FCHSD2: variants seen among roughly 807,000 people sequenced by gnomAD.
FCHSD2 encodes the protein FCH and double SH3 domains 2.
Under a neutral mutation model 108.1 loss-of-function variants are expected in FCHSD2, and 38 were observed. The observed-to-expected ratio is 0.35, with a 90% CI of 0.27 to 0.46. The LOEUF (loss-of-function observed/expected upper bound fraction) is 0.46, where lower values mean the gene tolerates loss of function less well. Among genes scored for constraint, FCHSD2 ranks in the 20% least tolerant of loss-of-function variants. The probability of loss-of-function intolerance (pLI) is 1.00; values close to 1 mark genes in which losing one functional copy is unlikely to be tolerated. For synonymous variants in FCHSD2, 279 were observed against 314.7 expected (o/e 0.89, Z 1.20); for missense variants, 751 against 897.8 (o/e 0.84, Z 2.09).
At chr11:73,011,032 T>A (rs1329266246) in intron 4 of FCHSD2, among the ~76,000 whole-genome samples, 1 of 152,006 alleles carries the variant, frequency 6.6e-6, no homozygotes, top group African/African-American at 2.4e-5. Flanking sequence ...CAGGTAGGTG[T>A]CAGCTGTGAT....
intron 8 of FCHSD2, among the ~76,000 whole-genome samples, chr11:72,931,311 T>C (rs573707067): frequency 1.1e-3 from 169 of 147,554 alleles, no homozygotes; most frequent in Non-Finnish European, 1.8e-3. Flanking sequence ...TTCACCATGT[T>C]GGTCAGGCTG....
At chr11:72,960,939 CACTT>C (rs772169484) in intron 8 of FCHSD2, among the ~76,000 whole-genome samples, 1 of 151,982 alleles carries the variant, frequency 6.6e-6, no homozygotes, top group Non-Finnish European at 1.5e-5. Flanking sequence ...ACATACCTCT[CACTT>C]ACTATGTTTT....
chr11:72,978,854 CTTTTTTTTTT>C (rs1190277188), intron 8 of FCHSD2, among the ~76,000 whole-genome samples: 2 of 110,858 alleles, frequency 1.8e-5, no homozygotes, highest in Non-Finnish European at 3.5e-5. Flanking sequence ...GTAGCTCTTT[CTTTTTTTTTT>C]TTTTTTTTTT....
chr11:73,036,440 T>C (rs1858500068), intron 3 of FCHSD2, among the ~76,000 whole-genome samples: 1 of 152,200 alleles, frequency 6.6e-6, no homozygotes, highest in Non-Finnish European at 1.5e-5. Context: ...TATTTATTTA[T>C]AAATTGACAC....
intron 2 of FCHSD2, among the ~76,000 whole-genome samples, chr11:73,089,865 G>A (rs1859911968): frequency 6.6e-6 from 1 of 152,162 alleles, no homozygotes; most frequent in Admixed American, 6.5e-5. Context: ...AAATGAACAT[G>A]TAAAAATAGC....
chr11:73,003,850 T>C (rs1256841427), intron 4 of FCHSD2, among the ~76,000 whole-genome samples: 1 of 151,582 alleles, frequency 6.6e-6, no homozygotes, highest in Non-Finnish European at 1.5e-5. Context: ...CTCAAGCCTG[T>C]AATCCCAGCA....
intron 2 of FCHSD2, among the ~76,000 whole-genome samples, chr11:73,108,070 C>A (rs747974370): frequency 6.6e-6 from 1 of 152,074 alleles, no homozygotes; most frequent in East Asian, 1.9e-4. Context: ...ACATCCTTGC[C>A]GGTGTTTGTT....
At chr11:73,030,288 T>A (rs948284424) in intron 3 of FCHSD2, among the ~76,000 whole-genome samples, 1 of 152,142 alleles carries the variant, frequency 6.6e-6, no homozygotes, top group Admixed American at 6.5e-5. Context: ...CTAGCATAGA[T>A]TCTAGAAGTA....
intron 2 of FCHSD2, among the ~76,000 whole-genome samples, chr11:73,090,570 C>T (rs1219009617): frequency 6.6e-6 from 1 of 152,050 alleles, no homozygotes; most frequent in Non-Finnish European, 1.5e-5. Context: ...AAAAACTGTC[C>T]TGTGCAAAAA....
At chr11:73,059,400 G>A (rs1414643576) in intron 3 of FCHSD2, among the ~76,000 whole-genome samples, 6 of 152,098 alleles carry the variant, frequency 3.9e-5, no homozygotes, top group Non-Finnish European at 8.8e-5. Context: ...TGTAGGACGG[G>A]CTAAAGAAAA....
At chr11:72,956,123 G>T (rs548144995) in intron 8 of FCHSD2, among the ~76,000 whole-genome samples, 55 of 152,256 alleles carry the variant, frequency 3.6e-4, no homozygotes, top group African/African-American at 1.3e-3. Context: ...GTCAAGTATG[G>T]AGCAATTTGA....
intron 3 of FCHSD2, among the ~76,000 whole-genome samples, chr11:73,057,578 G>C (rs930487517): frequency 6.6e-6 from 1 of 152,026 alleles, no homozygotes; most frequent in Admixed American, 6.6e-5. Flanking sequence ...ATCTATATAA[G>C]GAATATTCTA....
At chr11:72,865,731 G>C (rs547725094) in intron 13 of FCHSD2, among the ~76,000 whole-genome samples, 213 of 151,840 alleles carry the variant, frequency 1.4e-3, no homozygotes, top group African/African-American at 4.9e-3. Context: ...AGAATCATGA[G>C]ATTCTGGAGT....
At chr11:73,020,077 A>G (rs1018374665) in intron 3 of FCHSD2, among the ~76,000 whole-genome samples, 2 of 152,200 alleles carry the variant, frequency 1.3e-5, no homozygotes, top group Non-Finnish European at 2.9e-5. Context: ...GGCTTCCATA[A>G]AGATGTACTA....
chr11:72,875,942 G>C (rs1031938132), intron 12 of FCHSD2, among the ~76,000 whole-genome samples: 1 of 152,214 alleles, frequency 6.6e-6, no homozygotes, highest in Non-Finnish European at 1.5e-5. Flanking sequence ...AAAAGACCCA[G>C]CCATCACAGC....
chr11:72,915,740 C>T (rs1435994031), intron 9 of FCHSD2, among the ~76,000 whole-genome samples: 2 of 152,136 alleles, frequency 1.3e-5, no homozygotes, highest in Admixed American at 6.5e-5. Flanking sequence ...ATCGCTTGAA[C>T]CTGGGAGGCA....
chr11:73,114,009 T>C (rs553973672), intron 2 of FCHSD2, among the ~76,000 whole-genome samples: 79 of 152,234 alleles, frequency 5.2e-4, no homozygotes, highest in African/African-American at 1.8e-3. Flanking sequence ...GCCTCTGTCC[T>C]TCCCTTTAGG....
intron 10 of FCHSD2, among the ~76,000 whole-genome samples, chr11:72,890,653 T>A (rs1591373461): frequency 6.6e-6 from 1 of 152,040 alleles, no homozygotes; most frequent in African/African-American, 2.4e-5. Flanking sequence ...CAAGGTACTA[T>A]GGAAAGTGCT....
chr11:73,129,169 C>A (rs1033129452), intron 2 of FCHSD2, among the ~76,000 whole-genome samples: 1 of 152,182 alleles, frequency 6.6e-6, no homozygotes, highest in Non-Finnish European at 1.5e-5. Context: ...CCGCGCCTGG[C>A]CAGAGACTCT....
Sources: allele counts gnomAD v4.1 joint callset (sites outside exome capture counted in the v4.1 genomes callset), GRCh38; gene constraint gnomAD v4.1.1; transcripts MANE v1.5; gene names NCBI Gene and HGNC (gene_info 2026-07-23, HGNC 2026-07-21).